The following MAPK7 variants were observed in gnomAD, a reference collection of about 807,000 sequenced individuals.
The protein encoded by MAPK7 is mitogen-activated protein kinase 7, also known as BMK-1.
Under a neutral mutation model 56.9 loss-of-function variants are expected in MAPK7, and 30 were observed. The observed-to-expected ratio is 0.53, with a 90% CI of 0.39 to 0.72. MAPK7 has a LOEUF of 0.72. MAPK7 is among the 30% of genes least tolerant of loss of function. MAPK7 has a pLI of 0.00. For missense variants in MAPK7, 952 were observed against 1,110.8 expected, an observed-to-expected ratio of 0.86 and a Z score of 2.03; for synonymous variants, 516 against 449.3, an observed-to-expected ratio of 1.15 and a Z score of -1.88.
Position 19,383,108 on chromosome 17 carries a change from C to T in MAPK7, c.2328C>T (p.Ser776=), listed in dbSNP as rs760078011. ...GQADSASLSA[S]LLADWLEGHG... ...CAGATTCAGCCTCTCTCTCAGCCTC[C>T]CTGCTTGCTGACTGGCTCGAAGGCC... The change falls in exon 7 of 7, where the codon TCC becomes TCT. Residue 776 remains serine (S), a synonymous_variant. Coordinates refer to ENST00000395604, the MANE Select transcript of MAPK7 (RefSeq NM_002749.4). The T allele has an allele frequency of 1.2e-6, 2 of 1,614,186 alleles. No individual in the cohort carries two copies. The highest frequency in any genetic ancestry group is 1.1e-5 in the South Asian group (1 of 91,086).
Position 19,378,665 on chromosome 17 carries a change from C to A in MAPK7, c.-6+35C>A. ...GCCCTGAGGAAACCCAGGTGCCCCGCCCCTCCCTTTCTTCCTGGCCCGCGC... is the reference window on the plus strand; with the variant it reads ...GCCCTGAGGAAACCCAGGTGCCCCGACCCTCCCTTTCTTCCTGGCCCGCGC... On this transcript the variant is annotated intron_variant, in intron 1 of 6. Transcript: ENST00000395604. The surrounding 1 kb of genome is among the most constrained non-coding windows in gnomAD (Gnocchi z 5.4). The A allele has an allele frequency of 7.1e-7, 1 of 1,409,498 alleles. No individual in the cohort carries two copies. Among genetic ancestry groups the A allele is most frequent in the Non-Finnish European group, 9.2e-7 (1 of 1,086,020 alleles). 87.3% of individuals were successfully genotyped at this position (1,409,498 alleles called of 1,614,324 possible). A position where few individuals can be genotyped will look rare whatever the true frequency, so the allele number is the denominator to read the frequency against.
At position 19,382,361 on chromosome 17, in the gene MAPK7, C is replaced by T. The variant is rs771271773; in HGVS notation, c.2058C>T (p.Tyr686=). Reference sequence around the variant, plus strand: ...CCAGCACCCCAGGAGTTTTGCCTTACTTCCCACCTGGCCTGCCGCCCCCAG... The same window carrying T: ...CCAGCACCCCAGGAGTTTTGCCTTATTTCCCACCTGGCCTGCCGCCCCCAG... ...PGSSTPGVLP[Y]FPPGLPPPDA... The change falls in exon 5 of 7, where the codon TAC becomes TAT. Residue 686 remains tyrosine, a synonymous_variant. Transcript: ENST00000395604. 1.2e-5 allele frequency: 19 copies of T among 1,613,576 alleles called. No homozygotes were observed. The South Asian group carries it at 1.8e-4, about 15-fold the overall frequency.
intron 2 of MAPK7, 192 bp from the exon 3 acceptor site, chr17:19,379,590 C>T (rs2152290803): frequency 1.7e-6 from 1 of 601,730 alleles, no homozygotes. Context: ...ACCTGCCCCG[C>T]AGGGGAGTTG....
Position 19,383,322 on chromosome 17 carries a change from T to C in MAPK7, c.*91T>C. 7.0e-7 allele frequency: 1 copy of C among 1,426,100 alleles called. No individual in the cohort carries two copies. The highest frequency in any genetic ancestry group is 9.6e-7 in the Non-Finnish European group (1 of 1,046,220). 88.3% of individuals were successfully genotyped at this position (1,426,100 alleles called of 1,614,324 possible). On this transcript the variant is annotated 3_prime_UTR_variant, in exon 7 of 7. Transcript: ENST00000395604. Reference sequence around the variant, plus strand: ...AGGCTTTAGCCCTGGACCCAGCAGGTGAGGCTCGGCTTGGATTATTCTGCA... The same window carrying C: ...AGGCTTTAGCCCTGGACCCAGCAGGCGAGGCTCGGCTTGGATTATTCTGCA...
rs1430025876 is a variant in MAPK7 at position 19,379,029 on chromosome 17, C to T, written c.129C>T (p.Arg43=). 6 of 1,613,982 alleles carry T rather than the reference C, an allele frequency of 3.7e-6. No homozygotes were observed. The highest frequency in any genetic ancestry group is 5.1e-6 in the Non-Finnish European group (6 of 1,179,994). ...AGAACCTGGCCCTGCTTAAAGCCCG[C>T]TCCTTCGATGTGACCTTTGACGTGG... ...AAKNLALLKA[R]SFDVTFDVGD... The change falls in exon 2 of 7, where the codon CGC becomes CGT. Residue 43 remains arginine (R), a synonymous_variant. Coordinates refer to ENST00000395604, the MANE Select transcript of MAPK7 (RefSeq NM_002749.4).
Position 19,381,325 on chromosome 17 carries a change from C to G in MAPK7, c.1116C>G (p.Leu372=). 3.1e-6 allele frequency: 5 copies of G among 1,614,116 alleles called. No individual in the cohort carries two copies. Among genetic ancestry groups the G allele is most frequent in the Non-Finnish European group, 2.5e-6 (3 of 1,180,040 alleles). The stretch of plus-strand genomic sequence containing the variant: ...ACTTTGCCTTTGACCGCGAAGCCCT[C>G]ACTCGGGAGCGCATTAAGGAGGCCA... ...PFDFAFDREA[L]TRERIKEAIV... The change falls in exon 4 of 7, where the codon CTC becomes CTG. Residue 372 remains leucine (L), a synonymous_variant. Transcript: ENST00000395604. This position sits in a 1 kb window ranked among gnomAD's most constrained non-coding sequence, Gnocchi z 4.6.
rs1912884572 is a variant in MAPK7 at position 19,383,295 on chromosome 17, A to C, written c.*64A>C. The C allele has an allele frequency of 8.2e-5, 128 of 1,567,896 alleles. No homozygotes were observed. Among genetic ancestry groups the C allele is most frequent in the Non-Finnish European group, 1.0e-4 (119 of 1,146,450 alleles). ...TTCCAGGATCCATGGGAGCATTCTCAAAGGCTTTAGCCCTGGACCCAGCAG... is the reference window on the plus strand; with the variant it reads ...TTCCAGGATCCATGGGAGCATTCTCCAAGGCTTTAGCCCTGGACCCAGCAG... On this transcript the variant is annotated 3_prime_UTR_variant, in exon 7 of 7. Coordinates refer to ENST00000395604, the MANE Select transcript of MAPK7 (RefSeq NM_002749.4).
chr17:19,379,108 T>G lies in MAPK7; in HGVS notation c.208T>G (p.Ser70Ala). The G allele has an allele frequency of 6.2e-7, 1 of 1,612,120 alleles. No homozygotes were observed. Among genetic ancestry groups the G allele is most frequent in the Non-Finnish European group, 8.5e-7 (1 of 1,179,722 alleles). Residue 70 changes from serine (S) to alanine (A), a missense_variant, in exon 2 of 7, where the codon TCC becomes GCC. Coordinates refer to ENST00000395604, the MANE Select transcript of MAPK7 (RefSeq NM_002749.4). Reference protein sequence around the residue: ...TIGNGAYGVVSSARRRLTGQQ... With the variant: ...TIGNGAYGVVASARRRLTGQQ... ...AGGCAACGGGGCCTATGGAGTGGTG[T>G]CCTCCGCCCGCCGCCGCCTCACCGG...
In MAPK7 at chr17:19,381,432, T is replaced by G. The variant is rs1273305442; in HGVS notation, c.1223T>G (p.Val408Gly). The G allele has an allele frequency of 5.0e-6, 8 of 1,614,172 alleles. No individual in the cohort carries two copies. The highest frequency in any genetic ancestry group is 5.9e-6 in the Non-Finnish European group (7 of 1,180,044). The change falls in exon 4 of 7, where the codon GTG becomes GGG. Residue 408 changes from valine to glycine, a missense_variant. Val to Gly is a moderately radical substitution (Grantham distance 109). Transcript: ENST00000395604. The surrounding 1 kb of genome is among the most constrained non-coding windows in gnomAD (Gnocchi z 4.6). ...CGCTTCCAGCCTTCTCTACAGCCTG[T>G]GGCTAGTGAGCCTGGCTGTCCAGAT... The part of the protein sequence containing the change: ...QIRFQPSLQP[V>G]ASEPGCPDVE...
At position 19,381,286 on chromosome 17, in the gene MAPK7, T is replaced by C. The variant is rs761366135; in HGVS notation, c.1077T>C (p.Cys359=). Residue 359 remains cysteine (C), a synonymous_variant, in exon 4 of 7, where the codon TGT becomes TGC. Coordinates refer to ENST00000395604, the MANE Select transcript of MAPK7 (RefSeq NM_002749.4). This position sits in a 1 kb window ranked among gnomAD's most constrained non-coding sequence, Gnocchi z 4.6. ...ATGATCCTGATGATGAGCCTGACTG[T>C]GCCCCGCCCTTTGACTTTGCCTTTG... The part of the protein sequence containing the change: ...KYHDPDDEPD[C]APPFDFAFDR... 11 of 1,614,058 alleles carry C rather than the reference T, an allele frequency of 6.8e-6. 1 individual carries two copies. In the South Asian group the frequency reaches 1.2e-4, roughly 18 times the overall value.
At chr17:19,378,006 C>T (rs1912241181), upstream of MAPK7, 2 of 985,364 alleles carry the variant, frequency 2.0e-6, no homozygotes, top group South Asian at 9.4e-5. This position sits in a 1 kb window ranked among gnomAD's most constrained non-coding sequence, Gnocchi z 5.4. Context: ...CGGGCACCCT[C>T]TACCGGGGAT....
intron 2 of MAPK7, 157 bp downstream of exon 2, chr17:19,379,289 G>A (rs1598111165): frequency 4.4e-6 from 3 of 688,094 alleles, no homozygotes; most frequent in East Asian, 2.7e-5. Context: ...CTCCGGGGAG[G>A]CTCGGTTCTC....
rs752421327 is a variant in MAPK7 at position 19,381,034 on chromosome 17, G to A, written c.825G>A (p.Met275Ile). ...KNYVHQLQLI[M>I]MVLGTPSPAV... ...ATGTACACCAGCTACAGCTCATCAT[G>A]ATGGTGCTGGGTACCCCATCACCAG... Residue 275 changes from methionine (M) to isoleucine (I), a missense_variant, in exon 4 of 7, where the codon ATG becomes ATA. Coordinates refer to ENST00000395604, the MANE Select transcript of MAPK7 (RefSeq NM_002749.4). The surrounding 1 kb of genome is among the most constrained non-coding windows in gnomAD (Gnocchi z 4.6). 1.2e-6 allele frequency: 2 copies of A among 1,614,116 alleles called. No individual in the cohort carries two copies. Among genetic ancestry groups the A allele is most frequent in the Non-Finnish European group, 1.7e-6 (2 of 1,180,034 alleles).
upstream of MAPK7, chr17:19,377,961 T>A: frequency 1.0e-6 from 1 of 985,074 alleles, no homozygotes; most frequent in Non-Finnish European, 1.2e-6. Flanking sequence ...CGCTCTAGAA[T>A]CCCGGAGGAC....
chr17:19,383,009 C>T lies in MAPK7; in HGVS notation c.2297+63C>T, dbSNP rs147406067. 1,172 of 1,612,332 alleles carry T rather than the reference C, an allele frequency of 7.3e-4. 13 individuals carry two copies. In the African/African-American group the frequency reaches 0.014, roughly 19 times the overall value. ...GGGGAGAGGTTCCTGGTGCAGGAGA[C>T]ATGCACCTGTGGGATGGGTGAGGGT... On this transcript the variant is annotated intron_variant, in intron 6 of 6. Coordinates refer to ENST00000395604, the MANE Select transcript of MAPK7 (RefSeq NM_002749.4).
In MAPK7 at chr17:19,381,523, G is replaced by A. The variant is rs755519791; in HGVS notation, c.1314G>A (p.Pro438=). The A allele has an allele frequency of 7.4e-6, 12 of 1,613,462 alleles. No individual in the cohort carries two copies. Among genetic ancestry groups the A allele is most frequent in the Admixed American group, 1.7e-5 (1 of 60,000 alleles). Residue 438 remains proline, a synonymous_variant, in exon 4 of 7, where the codon CCG becomes CCA. Transcript: ENST00000395604. The surrounding 1 kb of genome is among the most constrained non-coding windows in gnomAD (Gnocchi z 4.6). ...DCAMESPPPA[P]PPCPGPAPDT... Reference sequence around the variant, plus strand: ...CCATGGAGTCTCCACCACCAGCCCCGCCACCATGCCCCGGCCCTGCACCTG... The same window carrying A: ...CCATGGAGTCTCCACCACCAGCCCCACCACCATGCCCCGGCCCTGCACCTG...
At position 19,381,568 on chromosome 17, in the gene MAPK7, G is replaced by A. The variant is rs2152293146; in HGVS notation, c.1359G>A (p.Leu453=). The stretch of plus-strand genomic sequence containing the variant: ...CACCTGACACCATTGATCTGACCCT[G>A]CAGCCACCTCCACCAGTCAGTGAGC... The part of the protein sequence containing the change: ...GPAPDTIDLT[L]QPPPPVSEPA... The change falls in exon 4 of 7, where the codon CTG becomes CTA. Residue 453 remains leucine (L), a synonymous_variant. Transcript: ENST00000395604. The surrounding 1 kb of genome is among the most constrained non-coding windows in gnomAD (Gnocchi z 4.6). The A allele has an allele frequency of 6.2e-7, 1 of 1,613,678 alleles. No individual in the cohort carries two copies. Among genetic ancestry groups the A allele is most frequent in the East Asian group, 2.2e-5 (1 of 44,870 alleles).
rs746329382 is a variant in MAPK7, at chr17:19,381,323, C to G, written c.1114C>G (p.Leu372Val). The G allele has an allele frequency of 5.6e-6, 9 of 1,614,128 alleles. No individual in the cohort carries two copies. The South Asian group carries it at 9.9e-5, about 18-fold the overall frequency. ...PFDFAFDREA[L>V]TRERIKEAIV... ...TGACTTTGCCTTTGACCGCGAAGCC[C>G]TCACTCGGGAGCGCATTAAGGAGGC... The change falls in exon 4 of 7, where the codon CTC becomes GTC. Residue 372 changes from leucine (L) to valine (V), a missense_variant. This residue lies in a region of MAPK7 where 429 missense variants were observed against 533.0 expected (regional missense o/e 0.80). Coordinates refer to ENST00000395604, the MANE Select transcript of MAPK7 (RefSeq NM_002749.4). The surrounding 1 kb of genome is among the most constrained non-coding windows in gnomAD (Gnocchi z 4.6).
In MAPK7 at chr17:19,378,526, C is replaced by T. The variant is rs1193140834; in HGVS notation, c.-110C>T. ...GCAGCTCAAGACGCTGAGGTGGTGG[C>T]TGCGGCCTTTGAACAAGTAAGTGAG... On this transcript the variant is annotated 5_prime_UTR_variant, in exon 1 of 7. Transcript: ENST00000395604. This position sits in a 1 kb window ranked among gnomAD's most constrained non-coding sequence, Gnocchi z 5.4. 11 of 1,121,906 alleles carry T rather than the reference C, an allele frequency of 9.8e-6. No homozygotes were observed. The highest frequency in any genetic ancestry group is 1.7e-5 in the African/African-American group (1 of 60,516). The allele number at this position is 1,121,906 out of a possible 1,614,324, so 69.5% of individuals were successfully genotyped here.
Sources: gnomAD v4.1 joint callset for allele counts on GRCh38, gnomAD v4.1.1 for gene constraint, gnomAD v4.1.1 regional missense constraint, Gnocchi (gnomAD v3.1) non-coding constraint, MANE v1.5 for transcripts, NCBI Gene and HGNC (gene_info 2026-07-23, HGNC 2026-07-21) for gene names.